NSUN6: variants seen among roughly 807,000 people sequenced by gnomAD.
NSUN6 encodes tRNA (cytosine(72)-C(5))-methyltransferase NSUN6.
Under a neutral mutation model 58.0 loss-of-function variants are expected in NSUN6, and 64 were observed. That is an observed-to-expected ratio of 1.10 (90% CI 0.90 to 1.36). The LOEUF (loss-of-function observed/expected upper bound fraction) is 1.36. Among genes scored for constraint, NSUN6 ranks in the 40% most tolerant of loss-of-function variants. The probability of loss-of-function intolerance (pLI) is 0.00; values close to 1 mark genes in which losing one functional copy is unlikely to be tolerated. For synonymous variants in NSUN6, 231 were observed against 193.9 expected (o/e 1.19, Z -1.59); for missense variants, 701 against 550.1 (o/e 1.27, Z -2.74).
At chr10:18,566,899 T>C (rs1004670119) in intron 8 of NSUN6, among the ~76,000 whole-genome samples, 3 of 150,168 alleles carry the variant, frequency 2.0e-5, no homozygotes, top group Non-Finnish European at 3.0e-5. Flanking sequence ...TTCCTTTCCA[T>C]TGTCCATTCT....
At chr10:18,569,440 A>G (rs1461225151) in intron 8 of NSUN6, among the ~76,000 whole-genome samples, 1 of 147,952 alleles carries the variant, frequency 6.8e-6, no homozygotes, top group Admixed American at 6.7e-5. Flanking sequence ...ATTCCATTCC[A>G]TTCTCCTTAC....
At chr10:18,573,278 GCATACTCCATCCCATTC>G (rs894633053) in intron 8 of NSUN6, among the ~76,000 whole-genome samples, 10 of 132,498 alleles carry the variant, frequency 7.5e-5, no homozygotes, top group Non-Finnish European at 1.6e-4. Context: ...ATTCCATTCT[GCATACTCCATCCCATTC>G]CATTCTCCAT....
chr10:18,570,813 C>T (rs12358984), intron 8 of NSUN6, among the ~76,000 whole-genome samples: 120,137 of 150,782 alleles, frequency 0.8, 47,932 homozygotes, highest in East Asian at 0.98. Context: ...CTCCATTCCA[C>T]TCTATTCACC....
rs114317492 is a variant in NSUN6 at position 18,564,700 on chromosome 10, T to C, written c.923-12729A>G. Among the ~76,000 whole-genome samples the C allele has an allele frequency of 6.2e-3, 931 of 150,486 alleles. 9 individuals carry two copies. The highest frequency in any genetic ancestry group is 0.019 in the African/African-American group (774 of 41,202). On this transcript the variant is annotated intron_variant, in intron 8 of 10. Coordinates refer to ENST00000377304, the MANE Select transcript of NSUN6 (RefSeq NM_182543.5). ...GTTCTCCATTCCATTCCATTCTTCATTTTACATTCCATTCCATTCTCCTTT... is the reference window on the plus strand; with the variant it reads ...GTTCTCCATTCCATTCCATTCTTCACTTTACATTCCATTCCATTCTCCTTT...
chr10:18,604,523 T>C (rs1306579168), intron 6 of NSUN6, among the ~76,000 whole-genome samples: 2 of 152,062 alleles, frequency 1.3e-5, no homozygotes, highest in African/African-American at 2.4e-5. Flanking sequence ...CAGAATCCAC[T>C]CCAGACTTAT....
intron 8 of NSUN6, among the ~76,000 whole-genome samples, chr10:18,557,502 G>A (rs1251243700): frequency 6.6e-6 from 1 of 151,088 alleles, no homozygotes; most frequent in Non-Finnish European, 1.5e-5. Context: ...GGAATGGAAT[G>A]GAGAATAGAA....
chr10:18,555,906 A>AATGGAATGGAATG (rs1554850206), intron 8 of NSUN6, among the ~76,000 whole-genome samples: 1 of 140,502 alleles, frequency 7.1e-6, no homozygotes, highest in African/African-American at 2.7e-5. Context: ...AATGGAATGG[A>AATGGAATGGAATG]GAATGGAATG....
chr10:18,568,635 C>A (rs953490103), intron 8 of NSUN6, among the ~76,000 whole-genome samples: 1 of 151,552 alleles, frequency 6.6e-6, no homozygotes, highest in Non-Finnish European at 1.5e-5. Flanking sequence ...CCATTCCATT[C>A]CATTCTCTTT....
chr10:18,642,944 A>C (rs2059431614), intron 2 of NSUN6, among the ~76,000 whole-genome samples: 1 of 152,122 alleles, frequency 6.6e-6, no homozygotes, highest in African/African-American at 2.4e-5. Flanking sequence ...TAATATACAC[A>C]ATCAACACTG....
intron 6 of NSUN6, among the ~76,000 whole-genome samples, chr10:18,598,721 C>G (rs1369497372): frequency 1.3e-5 from 2 of 152,174 alleles, no homozygotes; most frequent in African/African-American, 4.8e-5. Flanking sequence ...CCACGTAGGC[C>G]TCCCAAAGTG....
chr10:18,609,640 GA>G (rs1261011941), intron 6 of NSUN6, among the ~76,000 whole-genome samples: 1 of 152,094 alleles, frequency 6.6e-6, no homozygotes, highest in African/African-American at 2.4e-5. Flanking sequence ...AAGAAAGATA[GA>G]AAAAGTAGTT....
chr10:18,655,737 T>C (rs549032290), upstream of NSUN6, among the ~76,000 whole-genome samples: 23 of 149,590 alleles, frequency 1.5e-4, no homozygotes, highest in African/African-American at 5.7e-4. Flanking sequence ...AAAAACCTAC[T>C]ATAAATGGGT....
intron 9 of NSUN6, among the ~76,000 whole-genome samples, chr10:18,549,510 A>G (rs1433765545): frequency 6.6e-6 from 1 of 152,164 alleles, no homozygotes; most frequent in Non-Finnish European, 1.5e-5. Context: ...ATTGCCTTCT[A>G]ATATACTAAA....
Position 18,586,486 on chromosome 10 carries a change from T to A in NSUN6, c.778-393A>T, listed in dbSNP as rs759537101. Among the ~76,000 whole-genome samples, 41 of 150,356 alleles carry A rather than the reference T, an allele frequency of 2.7e-4. 1 individual carries two copies. The highest frequency in any genetic ancestry group is 1.3e-4 in the Non-Finnish European group (9 of 67,730). The stretch of plus-strand genomic sequence containing the variant: ...TGTTACACCTCTTAAAGGTGGCGCG[T>A]CTGCAGTTGTTTGTTCCTCCGGGTG... On this transcript the variant is annotated intron_variant, in intron 7 of 10. Coordinates refer to ENST00000377304, the MANE Select transcript of NSUN6 (RefSeq NM_182543.5).
chr10:18,603,814 CCTT>C (rs1336446796), intron 6 of NSUN6, among the ~76,000 whole-genome samples: 2 of 152,074 alleles, frequency 1.3e-5, no homozygotes, highest in Non-Finnish European at 1.5e-5. Flanking sequence ...AAAATGAAAT[CCTT>C]CTTTTATATT....
chr10:18,563,439 T>A (rs2055690955), intron 8 of NSUN6, among the ~76,000 whole-genome samples: 1 of 150,064 alleles, frequency 6.7e-6, no homozygotes, highest in African/African-American at 2.4e-5. Flanking sequence ...AGGAATGGAA[T>A]GGAGAATGAA....
intron 6 of NSUN6, among the ~76,000 whole-genome samples, chr10:18,597,654 T>C (rs749798588): frequency 9.9e-5 from 15 of 152,156 alleles, no homozygotes; most frequent in Non-Finnish European, 2.1e-4. Flanking sequence ...TAATCCCAGC[T>C]ACTCAGGAGG....
At chr10:18,609,982 T>C (rs1019990423) in intron 5 of NSUN6, 56 bp from the exon 6 acceptor site, 2 of 1,051,794 alleles carry the variant, frequency 1.9e-6, no homozygotes, top group East Asian at 2.4e-5. Flanking sequence ...CTATACAAAC[T>C]ATGTTTCCAG....
chr10:18,643,866 T>C (rs998545215), intron 2 of NSUN6, among the ~76,000 whole-genome samples: 1 of 152,162 alleles, frequency 6.6e-6, no homozygotes, highest in Admixed American at 6.5e-5. Context: ...GGTCATTGTC[T>C]CTCCCTTTCG....
Sources: gnomAD v4.1 joint callset for allele counts (sites outside exome capture counted in the v4.1 genomes callset) on GRCh38, gnomAD v4.1.1 for gene constraint, MANE v1.5 for transcripts, NCBI Gene and HGNC (gene_info 2026-07-23, HGNC 2026-07-21) for gene names.